Variants in ITGAM observed in about 807,000 individuals in gnomAD.
The protein encoded by ITGAM is integrin subunit alpha M, also known as integrin alpha-M.
A neutral mutation model predicts 137.5 loss-of-function variants in ITGAM; 79 were observed. That is an observed-to-expected ratio of 0.57 (90% CI 0.48 to 0.69). The LOEUF is 0.69. Ranked by LOEUF, ITGAM falls within the 30% of genes least tolerant of loss-of-function variation. The pLI, the probability that ITGAM is intolerant of heterozygous loss-of-function variation, is 0.00. For missense variants in ITGAM, 1,343 were observed against 1,483.5 expected, an observed-to-expected ratio of 0.91 and a Z score of 1.56; for synonymous variants, 583 against 592.3, an observed-to-expected ratio of 0.98 and a Z score of 0.23.
intron 12 of ITGAM, among the ~76,000 whole-genome samples, chr16:31,296,806 A>T (rs2080139172): frequency 1.3e-5 from 2 of 152,206 alleles, no homozygotes; most frequent in African/African-American, 2.4e-5. Flanking sequence ...TGAATGAATA[A>T]ATGAATGAAT....
chr16:31,296,271 A>AT (rs144795335), intron 12 of ITGAM, among the ~76,000 whole-genome samples: 87,279 of 143,816 alleles, frequency 0.61, 26,444 homozygotes, highest in Middle Eastern at 0.76. Flanking sequence ...TGCCCTGCTA[A>AT]TTTTTTTTTT....
At chr16:31,303,918 T>C (rs1230377000) in intron 14 of ITGAM, among the ~76,000 whole-genome samples, 1 of 152,244 alleles carries the variant, frequency 6.6e-6, no homozygotes, top group Non-Finnish European at 1.5e-5. Context: ...TGTGCTGCTA[T>C]AAACATGCAT....
At chr16:31,271,376 A>G (rs1270513134) in intron 6 of ITGAM, among the ~76,000 whole-genome samples, 2 of 152,170 alleles carry the variant, frequency 1.3e-5, no homozygotes, top group African/African-American at 4.8e-5. Flanking sequence ...TTTTTGAGAC[A>G]GAATCTCACT....
chr16:31,329,073 T>TCACCC, intron 23 of ITGAM, 155 bp from the exon 24 acceptor site: 2 of 426,232 alleles, frequency 4.7e-6, no homozygotes, highest in South Asian at 2.1e-5. Context: ...ACACATTGGT[T>TCACCC]CCCCCATCCC....
chr16:31,265,521 T>A, intron 3 of ITGAM, 23 bp downstream of exon 3: 1 of 1,482,770 alleles, frequency 6.7e-7, no homozygotes, highest in Non-Finnish European at 9.3e-7. Context: ...CCCGCCGGGC[T>A]GGGACTGGGA....
intron 12 of ITGAM, among the ~76,000 whole-genome samples, chr16:31,280,174 G>A (rs1185966832): frequency 2.0e-5 from 3 of 152,166 alleles, no homozygotes; most frequent in African/African-American, 7.2e-5. Context: ...GTAGCGTGAT[G>A]CCTCCAGCTT....
chr16:31,275,311 G>A (rs1165374405), intron 8 of ITGAM, among the ~76,000 whole-genome samples: 1 of 152,224 alleles, frequency 6.6e-6, no homozygotes, highest in African/African-American at 2.4e-5. Flanking sequence ...CATACCAGGA[G>A]ACGTGGCACA....
chr16:31,297,951 C>A lies in ITGAM; in HGVS notation c.1704C>A (p.Ser568Arg). ...GATCTGGCATCAGCCCCTCCCATAG[C>A]CAGGTGAGACCTGGTCACTGTCCTT... ...TSGSGISPSH[S>R]QRIAGSKLSP... Residue 568 changes from serine (S) to arginine (R), a missense_variant, in exon 14 of 30, where the codon AGC becomes AGA. Physicochemically the swap from Ser to Arg is moderately radical, Grantham distance 110 (BLOSUM62 -1). Transcript: ENST00000544665. 6.2e-7 allele frequency: 1 copy of A among 1,611,900 alleles called. No individual in the cohort carries two copies.
intron 14 of ITGAM, among the ~76,000 whole-genome samples, chr16:31,320,150 AT>A (rs2080434259): frequency 1.3e-5 from 2 of 152,110 alleles, no homozygotes; most frequent in South Asian, 4.2e-4. Flanking sequence ...TTCTAAAGGT[AT>A]TTTCTTTGTG....
rs1426731888 is a variant in ITGAM at position 31,276,874 on chromosome 16, T to G, written c.1084-46T>G. On this transcript the variant is annotated intron_variant, in intron 10 of 29. Transcript: ENST00000544665. The stretch of plus-strand genomic sequence containing the variant: ...AAGTAGCTCTGTGAGGGGCAGCGGT[T>G]GTCCCTTCTTCCTTCCTCATCAACC... The G allele has an allele frequency of 1.9e-6, 3 of 1,597,264 alleles. No individual in the cohort carries two copies. In the African/African-American group the frequency reaches 4.0e-5, roughly 21 times the overall value.
intron 5 of ITGAM, among the ~76,000 whole-genome samples, chr16:31,266,586 G>A (rs1016307824): frequency 9.2e-5 from 14 of 151,702 alleles, no homozygotes; most frequent in African/African-American, 3.1e-4. Flanking sequence ...AGCCAGGCGT[G>A]GTGGCACACA....
At chr16:31,280,002 C>T (rs1227902783) in intron 12 of ITGAM, among the ~76,000 whole-genome samples, 1 of 139,656 alleles carries the variant, frequency 7.2e-6, no homozygotes, top group Non-Finnish European at 1.5e-5. Flanking sequence ...GGAATCCTTT[C>T]CCCATTTCTT....
chr16:31,328,084 G>A lies in ITGAM; in HGVS notation c.2709-63G>A, dbSNP rs2080527059. 27 of 1,247,690 alleles carry A rather than the reference G, an allele frequency of 2.2e-5. 1 individual carries two copies. In the South Asian group the frequency reaches 3.2e-4, roughly 15 times the overall value. The allele number at this position is 1,247,690 out of a possible 1,614,324, so 77.3% of individuals were successfully genotyped here. On this transcript the variant is annotated intron_variant, in intron 22 of 29. Transcript: ENST00000544665. ...GATTGGAGGCAGGGAGTGAGGGAGA[G>A]GGAGGAGCAAAGACTAACTGTCAGT...
chr16:31,276,532 A>G, intron 9 of ITGAM, 139 bp from the exon 10 acceptor site: 1 of 623,020 alleles, frequency 1.6e-6, no homozygotes, highest in South Asian at 2.0e-5. Context: ...GGGTTTCACC[A>G]TGTTCACCAG....
At chr16:31,314,632 G>T (rs368916508) in intron 14 of ITGAM, among the ~76,000 whole-genome samples, 8 of 152,020 alleles carry the variant, frequency 5.3e-5, no homozygotes, top group Non-Finnish European at 1.0e-4. Context: ...GGTTACTGTA[G>T]CCTTGTAGTA....
At chr16:31,268,899 C>A (rs1293486609) in intron 5 of ITGAM, among the ~76,000 whole-genome samples, 1 of 152,156 alleles carries the variant, frequency 6.6e-6, no homozygotes, top group Non-Finnish European at 1.5e-5. Context: ...AATGTAACTG[C>A]CCAAGGGGTT....
chr16:31,263,429 C>T (rs1244971336), intron 2 of ITGAM, among the ~76,000 whole-genome samples: 1 of 152,170 alleles, frequency 6.6e-6, no homozygotes, highest in Non-Finnish European at 1.5e-5. Context: ...TTTTCCAGAT[C>T]CCCCTCTACA....
At chr16:31,331,382 G>A in intron 29 of ITGAM, 107 bp downstream of exon 29, 1 of 741,824 alleles carries the variant, frequency 1.3e-6, no homozygotes, top group Non-Finnish European at 2.3e-6. Flanking sequence ...TGACTGGGGC[G>A]AGTCTGGGAG....
chr16:31,299,728 G>T (rs2080175483), intron 14 of ITGAM, among the ~76,000 whole-genome samples: 1 of 151,732 alleles, frequency 6.6e-6, no homozygotes, highest in Non-Finnish European at 1.5e-5. Flanking sequence ...ACAAATGAAA[G>T]AATATCTTTC....
Sources: allele counts gnomAD v4.1 joint callset (sites outside exome capture counted in the v4.1 genomes callset), GRCh38; gene constraint gnomAD v4.1.1; transcripts MANE v1.5; gene names NCBI Gene and HGNC (gene_info 2026-07-23, HGNC 2026-07-21).